The following SPRR2F variants were observed in gnomAD, a reference collection of about 807,000 sequenced individuals.
SPRR2F encodes small proline rich protein 2F.
In SPRR2F, 2 loss-of-function variants were observed where a neutral mutation model predicts 0.8. The ratio of observed to expected loss-of-function variants is 2.52; its 90% confidence interval spans 1.03 to 7.95. The LOEUF (loss-of-function observed/expected upper bound fraction) is 7.95. Among genes scored for constraint, SPRR2F ranks in the 30% most tolerant of loss-of-function variants. The pLI is 0.04. For missense variants in SPRR2F, 80 were observed against 85.8 expected, an observed-to-expected ratio of 0.93 and a Z score of 0.27; for synonymous variants, 39 against 33.4, an observed-to-expected ratio of 1.17 and a Z score of -0.58.
In SPRR2F at chr1:153,112,599, G is replaced by C. The variant is rs753879534; in HGVS notation, c.135C>G (p.Cys45Trp). The change falls in exon 2 of 2, where the codon TGC becomes TGG. Residue 45 changes from cysteine (C) to tryptophan (W), a missense_variant. Cys to Trp is a radical substitution (Grantham distance 215). Coordinates refer to ENST00000468739, the MANE Select transcript of SPRR2F (RefSeq NM_001014450.3). ...PCPPSKCPQSCPPQQCQQKCP... is the reference protein window; with the variant it reads ...PCPPSKCPQSWPPQQCQQKCP... The stretch of plus-strand genomic sequence containing the variant: ...ATTTCTGCTGGCACTGCTGAGGTGG[G>C]CAGGACTGTGGACACTTTGATGGTG... 3 of 1,612,896 alleles carry C rather than the reference G, an allele frequency of 1.9e-6. No individual in the cohort carries two copies. The highest frequency in any genetic ancestry group is 2.5e-6 in the Non-Finnish European group (3 of 1,179,850).
upstream of SPRR2F, among the ~76,000 whole-genome samples, chr1:153,117,785 T>C (rs150428951): frequency 1.6e-3 from 236 of 152,150 alleles, 2 homozygotes; most frequent in African/African-American, 5.3e-3. Flanking sequence ...AGAATCTTTT[T>C]AAGACAGTGA....
At chr1:153,113,278 T>C (rs1370485372) in intron 1 of SPRR2F, among the ~76,000 whole-genome samples, 196 bp downstream of exon 1, 1 of 152,238 alleles carries the variant, frequency 6.6e-6, no homozygotes, top group East Asian at 1.9e-4. Context: ...CTAACTTCTC[T>C]GTCCATATGA....
chr1:153,119,336 A>G, the SPRR2F span, among the ~76,000 whole-genome samples: 1 of 152,236 alleles, frequency 6.6e-6, no homozygotes, highest in Non-Finnish European at 1.5e-5. Context: ...ACTCTATGCT[A>G]TTTAAGAGAG....
chr1:153,113,304 C>G (rs1655645043), intron 1 of SPRR2F, among the ~76,000 whole-genome samples, 170 bp downstream of exon 1: 1 of 152,220 alleles, frequency 6.6e-6, no homozygotes, highest in Admixed American at 6.5e-5. Flanking sequence ...TAACTCTGTA[C>G]TAAAAGAAAG....
upstream of SPRR2F, among the ~76,000 whole-genome samples, chr1:153,115,219 A>C (rs556585155): frequency 3.7e-4 from 56 of 152,320 alleles, no homozygotes; most frequent in Non-Finnish European, 7.3e-4. Context: ...TTCTCACCAA[A>C]TTACCCCTAC....
Position 153,112,410 on chromosome 1 carries a change from C to G in SPRR2F, c.*105G>C. On this transcript the variant is annotated 3_prime_UTR_variant, in exon 2 of 2. Coordinates refer to ENST00000468739, the MANE Select transcript of SPRR2F (RefSeq NM_001014450.3). Reference sequence around the variant, plus strand: ...CACAGGCTAAGAGGAAAGAAGCTCCCTGTGTATCCCTGGATGGCTTTGATG... The same window carrying G: ...CACAGGCTAAGAGGAAAGAAGCTCCGTGTGTATCCCTGGATGGCTTTGATG... The G allele has an allele frequency of 6.6e-7, 1 of 1,513,482 alleles. No homozygotes were observed. The highest frequency in any genetic ancestry group is 8.9e-7 in the Non-Finnish European group (1 of 1,127,830). The allele number at this position is 1,513,482 out of a possible 1,614,324, so 93.8% of individuals were successfully genotyped here.
Position 153,112,567 on chromosome 1 carries a change from G to A in SPRR2F, c.167C>T (p.Pro56Leu), listed in dbSNP as rs1261483542. Residue 56 changes from proline (P) to leucine (L), a missense_variant, in exon 2 of 2, where the codon CCT (proline) becomes CTT (leucine). Transcript: ENST00000468739. ...PPQQCQQKCP[P>L]VTPSPPCQPK... The stretch of plus-strand genomic sequence containing the variant: ...CTGGCAGGGTGGGGAAGGTGTCACA[G>A]GAGGACATTTCTGCTGGCACTGCTG... The A allele has an allele frequency of 1.2e-6, 2 of 1,613,132 alleles. No homozygotes were observed. The highest frequency in any genetic ancestry group is 1.7e-6 in the Non-Finnish European group (2 of 1,179,844).
At chr1:153,115,246 T>A (rs1655700576), upstream of SPRR2F, among the ~76,000 whole-genome samples, 1 of 152,208 alleles carries the variant, frequency 6.6e-6, no homozygotes, top group Non-Finnish European at 1.5e-5. Flanking sequence ...TTACGCATGC[T>A]AAGCACATCA....
chr1:153,118,721 C>G, the SPRR2F span, among the ~76,000 whole-genome samples: 1 of 152,018 alleles, frequency 6.6e-6, no homozygotes, highest in Non-Finnish European at 1.5e-5. Context: ...ATAAAGAGAG[C>G]CTTTTGATTT....
chr1:153,114,634 G>A (rs1655683651), upstream of SPRR2F, among the ~76,000 whole-genome samples: 1 of 152,078 alleles, frequency 6.6e-6, no homozygotes, highest in Non-Finnish European at 1.5e-5. Context: ...ACAGGTTTTA[G>A]GTGTTTCTCA....
chr1:153,118,406 G>C (rs761988752), upstream of SPRR2F, among the ~76,000 whole-genome samples: 29 of 152,064 alleles, frequency 1.9e-4, no homozygotes, highest in Middle Eastern at 3.2e-3. Flanking sequence ...TAAATTCAAA[G>C]AGAGCCACAC....
chr1:153,117,219 CACTT>C (rs1288168563), upstream of SPRR2F, among the ~76,000 whole-genome samples: 3 of 152,110 alleles, frequency 2.0e-5, no homozygotes, highest in East Asian at 1.9e-4. Context: ...CTAACCGTGA[CACTT>C]ACTCTTATGT....
At chr1:153,119,020 A>T in the SPRR2F span, among the ~76,000 whole-genome samples, 1 of 152,216 alleles carries the variant, frequency 6.6e-6, no homozygotes, top group East Asian at 1.9e-4. Context: ...GTTGGTGTTA[A>T]TTCAAACTAG....
At chr1:153,117,528 C>T (rs1303608288), upstream of SPRR2F, among the ~76,000 whole-genome samples, 1 of 151,978 alleles carries the variant, frequency 6.6e-6, no homozygotes, top group Non-Finnish European at 1.5e-5. Context: ...CATATTTATT[C>T]TGGTGGCAGA....
chr1:153,112,681 C>G lies in SPRR2F; in HGVS notation c.53G>C (p.Cys18Ser). 17 of 1,612,288 alleles carry G rather than the reference C, an allele frequency of 1.1e-5. No homozygotes were observed. The highest frequency in any genetic ancestry group is 1.4e-5 in the Non-Finnish European group (17 of 1,179,844). Residue 18 changes from cysteine (C) to serine (S), a missense_variant, in exon 2 of 2, where the codon TGC becomes TCC. By Grantham distance (112) the Cys-to-Ser change is moderately radical. Transcript: ENST00000468739. ...CKQPCQPPPV[C>S]PAPKCPEPCP... ...TGGCTCTGGGCACTTTGGCGCGGGG[C>G]ACACAGGAGGTGGCTGGCAGGGCTG...
chr1:153,118,035 C>G (rs1231697034), upstream of SPRR2F, among the ~76,000 whole-genome samples: 1 of 152,068 alleles, frequency 6.6e-6, no homozygotes, highest in Non-Finnish European at 1.5e-5. Flanking sequence ...TAGCATCCAT[C>G]ATCATGACTC....
intron 1 of SPRR2F, 34 bp downstream of exon 1, chr1:153,113,440 C>A (rs1388995213): frequency 6.5e-6 from 1 of 153,002 alleles, no homozygotes; most frequent in Non-Finnish European, 1.5e-5. Flanking sequence ...TTTCAGGGCA[C>A]AAAGAACAGA....
upstream of SPRR2F, among the ~76,000 whole-genome samples, chr1:153,114,019 TTTTGTTGCTA>T (rs1655665426): frequency 9.5e-6 from 1 of 105,292 alleles, no homozygotes; most frequent in African/African-American, 4.2e-5. Context: ...TTTTTTTTTT[TTTTGTTGCTA>T]AGTTGTGTGA....
At chr1:153,117,288 A>G (rs1174730428), upstream of SPRR2F, among the ~76,000 whole-genome samples, 2 of 152,068 alleles carry the variant, frequency 1.3e-5, no homozygotes, top group Non-Finnish European at 2.9e-5. Context: ...CAGAAACAAG[A>G]TAATTTAATT....
Sources: allele counts gnomAD v4.1 joint callset (sites outside exome capture counted in the v4.1 genomes callset), GRCh38; gene constraint gnomAD v4.1.1; transcripts MANE v1.5; gene names NCBI Gene and HGNC (gene_info 2026-07-23, HGNC 2026-07-21).